SAG: variants seen among roughly 807,000 people sequenced by gnomAD.
The protein encoded by SAG is S-arrestin.
A neutral mutation model predicts 55.0 loss-of-function variants in SAG; 45 were observed. That is an observed-to-expected ratio of 0.82 (90% CI 0.64 to 1.05). The LOEUF is 1.05. Ranked by LOEUF, SAG falls within the 50% of genes least tolerant of loss-of-function variation. The pLI is 0.00. For missense variants in SAG, 455 were observed against 512.1 expected (o/e 0.89, Z 1.08); for synonymous variants, 189 against 197.4 (o/e 0.96, Z 0.36).
intron 3 of SAG, among the ~76,000 whole-genome samples, chr2:233,318,452 C>T (rs1051849641): frequency 1.2e-4 from 18 of 152,034 alleles, no homozygotes; most frequent in African/African-American, 3.6e-4. Context: ...AGGCTGCTCT[C>T]GAACTCCTAG....
chr2:233,315,202 T>C (rs1294264841), intron 2 of SAG, among the ~76,000 whole-genome samples: 1 of 150,562 alleles, frequency 6.6e-6, no homozygotes, highest in Admixed American at 6.6e-5. Context: ...TGGCTTTAGG[T>C]CTACCTGTGC....
chr2:233,334,071 G>A (rs1347601493), intron 10 of SAG: 4 of 152,230 alleles, frequency 2.6e-5, no homozygotes, highest in African/African-American at 7.2e-5. Context: ...GTGTGCTTCC[G>A]GCACGAATGG....
intron 6 of SAG, 133 bp downstream of exon 6, chr2:233,323,138 A>C: frequency 3.0e-6 from 2 of 672,212 alleles, no homozygotes; most frequent in African/African-American, 3.7e-5. Context: ...GGCTCACTGC[A>C]ACCTGTGGTT....
At chr2:233,346,558 C>T in intron 15 of SAG, 146 bp downstream of exon 15, 1 of 929,736 alleles carries the variant, frequency 1.1e-6, no homozygotes, top group Non-Finnish European at 1.8e-6. Context: ...CGTCTGCTCC[C>T]TAGTGCTTAC....
chr2:233,341,147 A>G (rs1701089572), intron 13 of SAG, among the ~76,000 whole-genome samples: 1 of 151,720 alleles, frequency 6.6e-6, no homozygotes, highest in South Asian at 2.1e-4. Flanking sequence ...GTTTTATTTT[A>G]TTTTATTTTA....
At position 233,319,556 on chromosome 2, in the gene SAG, C is replaced by G; in HGVS notation, c.181+761C>G. On this transcript the variant is annotated intron_variant, in intron 4 of 15. Transcript: ENST00000409110. The surrounding 1 kb of genome is among the most constrained non-coding windows in gnomAD (Gnocchi z 4.4). ...ATTGTTCAGAACCCTGGATGTGCCA[C>G]TGGAATACGTCAGCTATGGGGCCAT... 1.0e-6 allele frequency: 1 copy of G among 987,992 alleles called. No homozygotes were observed. Among genetic ancestry groups the G allele is most frequent in the Non-Finnish European group, 1.2e-6 (1 of 831,452 alleles). The allele number at this position is 987,992 out of a possible 1,614,324, so 61.2% of individuals were successfully genotyped here.
chr2:233,343,240 A>ACG (rs1701159682), intron 14 of SAG: 1 of 152,530 alleles, frequency 6.6e-6, no homozygotes, highest in Non-Finnish European at 1.5e-5. Context: ...CTGCCACCCC[A>ACG]CCTGGCTAAT....
In SAG at chr2:233,308,468, TA is replaced by T. The variant is rs879630531; in HGVS notation, c.-29+460del. Among the ~76,000 whole-genome samples, 777 of 140,204 alleles carry T rather than the reference TA, an allele frequency of 5.5e-3. 5 individuals carry two copies. Among genetic ancestry groups the T allele is most frequent in the African/African-American group, 0.016 (624 of 38,426 alleles). 92.0% of individuals were successfully genotyped at this position (140,204 alleles called of 152,430 possible). ...GGCAACAGAACGAGCTCCTATATCT[TA>T]AAAAAAAAAAAAACCTCAGAGTATG... On this transcript the variant is annotated intron_variant, in intron 1 of 15. Coordinates refer to ENST00000409110, the MANE Select transcript of SAG (RefSeq NM_000541.5).
intron 2 of SAG, among the ~76,000 whole-genome samples, chr2:233,314,723 G>T (rs923669480): frequency 1.1e-4 from 17 of 152,168 alleles, no homozygotes; most frequent in African/African-American, 3.9e-4. Flanking sequence ...CAGGGTTCTA[G>T]TGGTATTTGC....
Position 233,328,607 on chromosome 2 carries a change from C to T in SAG, c.642C>T (p.Asn214=). The T allele has an allele frequency of 1.2e-6, 2 of 1,610,412 alleles. No homozygotes were observed. Among genetic ancestry groups the T allele is most frequent in the Non-Finnish European group, 1.7e-6 (2 of 1,177,520 alleles). The change falls in exon 8 of 16, where the codon AAC becomes AAT. Residue 214 remains asparagine (N), a synonymous_variant. Coordinates refer to ENST00000409110, the MANE Select transcript of SAG (RefSeq NM_000541.5). The part of the protein sequence containing the change: ...DKPLHLAVSL[N]KEIYFHGEPI... ...CCCTGCACCTTGCGGTCTCTCTCAACAAAGAGGTAACCACCTACCATCGCT... is the reference window on the plus strand; with the variant it reads ...CCCTGCACCTTGCGGTCTCTCTCAATAAAGAGGTAACCACCTACCATCGCT...
chr2:233,325,548 C>T (rs1383088641), intron 6 of SAG, among the ~76,000 whole-genome samples: 1 of 151,822 alleles, frequency 6.6e-6, no homozygotes, highest in Non-Finnish European at 1.5e-5. Context: ...GGGGTGTGCG[C>T]AGCCAAGATG....
intron 8 of SAG, chr2:233,329,152 G>GC (rs5839478): frequency 1 from 353,014 of 353,018 alleles, 176,505 homozygotes; most frequent in Middle Eastern, 1. Context: ...GTGTGGGTGT[G>GC]CCAGGGGCTG....
intron 6 of SAG, among the ~76,000 whole-genome samples, chr2:233,324,829 G>A (rs1486655126): frequency 6.6e-6 from 1 of 152,228 alleles, no homozygotes; most frequent in Admixed American, 6.5e-5. Flanking sequence ...GTGATGACAA[G>A]GGCAGTGTTT....
intron 3 of SAG, among the ~76,000 whole-genome samples, chr2:233,316,725 C>T (rs1700225704): frequency 6.6e-6 from 1 of 152,146 alleles, no homozygotes; most frequent in Non-Finnish European, 1.5e-5. Flanking sequence ...GGGGGAAAGA[C>T]AGGAAGATAC....
chr2:233,319,700 A>G lies in SAG; in HGVS notation c.181+905A>G, dbSNP rs1700322498. On this transcript the variant is annotated intron_variant, in intron 4 of 15. Coordinates refer to ENST00000409110, the MANE Select transcript of SAG (RefSeq NM_000541.5). The surrounding 1 kb of genome is among the most constrained non-coding windows in gnomAD (Gnocchi z 4.4). ...GGAGGCATCTGGTTTGAGCCCCGAA[A>G]GCCCAAGTCCTTGACCAGAGAAGGG... 3.3e-5 allele frequency: 33 copies of G among 985,674 alleles called. No homozygotes were observed. Among genetic ancestry groups the G allele is most frequent in the Non-Finnish European group, 3.4e-5 (28 of 830,210 alleles). The allele number at this position is 985,674 out of a possible 1,614,324, so 61.1% of individuals were successfully genotyped here.
intron 14 of SAG, chr2:233,343,567 G>T: frequency 1.5e-6 from 1 of 659,290 alleles, no homozygotes; most frequent in Non-Finnish European, 2.2e-6. Context: ...CTAGACTGTC[G>T]ACTGTGAAAA....
chr2:233,318,603 G>T, intron 3 of SAG, 148 bp from the exon 4 acceptor site: 1 of 681,788 alleles, frequency 1.5e-6, no homozygotes, highest in South Asian at 1.8e-5. Flanking sequence ...GAATTTGGAT[G>T]ACTTTTTTCC....
chr2:233,309,351 C>T (rs1363977415), intron 2 of SAG, 87 bp downstream of exon 2: 1 of 1,229,906 alleles, frequency 8.1e-7, no homozygotes, highest in Non-Finnish European at 1.2e-6. Flanking sequence ...TCATGATCAA[C>T]ATCAAAACTC....
At chr2:233,344,793 G>C (rs1471026126) in intron 14 of SAG, 1 of 152,240 alleles carries the variant, frequency 6.6e-6, no homozygotes, top group Non-Finnish European at 1.5e-5. Context: ...AAGCCCTGCT[G>C]GAGCCTGGGG....
Sources: gnomAD v4.1 joint callset for allele counts (sites outside exome capture counted in the v4.1 genomes callset) on GRCh38, gnomAD v4.1.1 for gene constraint, Gnocchi (gnomAD v3.1) non-coding constraint, MANE v1.5 for transcripts, NCBI Gene and HGNC (gene_info 2026-07-23, HGNC 2026-07-21) for gene names.